Variants in USP39 observed in about 807,000 individuals in gnomAD.
USP39 encodes the protein ubiquitin specific peptidase 39.
A neutral mutation model predicts 66.4 loss-of-function variants in USP39; 38 were observed. That is an observed-to-expected ratio of 0.57 (90% CI 0.44 to 0.75). The LOEUF (loss-of-function observed/expected upper bound fraction) is 0.75, where lower values mean the gene tolerates loss of function less well. Ranked by LOEUF, USP39 falls within the 30% of genes least tolerant of loss-of-function variation. The pLI, the probability that USP39 is intolerant of heterozygous loss-of-function variation, is 0.00. For synonymous variants in USP39, 303 were observed against 274.6 expected (o/e 1.10, Z -1.02); for missense variants, 608 against 714.4 (o/e 0.85, Z 1.70).
chr2:85,607,415 A>C (rs1673256785), upstream of USP39: 1 of 152,166 alleles, frequency 6.6e-6, no homozygotes, highest in Non-Finnish European at 1.5e-5. Context: ...CTCCTTTCAA[A>C]GGAGAACTGA....
chr2:85,643,873 GA>G lies in USP39; in HGVS notation c.1428-1073del, dbSNP rs1676439969. Among the ~76,000 whole-genome samples the G allele has an allele frequency of 2.0e-5, 3 of 151,738 alleles. No homozygotes were observed. In the South Asian group the frequency reaches 6.2e-4, roughly 32 times the overall value. On this transcript the variant is annotated intron_variant, in intron 10 of 12. Coordinates refer to ENST00000323701, the MANE Select transcript of USP39 (RefSeq NM_006590.4). Reference sequence around the variant, plus strand: ...TCACGATGTTACCCAGGCTGGTTTCGAACTCCTGAGCTCAGGCAGTCTGCCC... The same window carrying G: ...TCACGATGTTACCCAGGCTGGTTTCGACTCCTGAGCTCAGGCAGTCTGCCC...
At chr2:85,607,521 C>T (rs999718195), upstream of USP39, 5 of 152,240 alleles carry the variant, frequency 3.3e-5, no homozygotes, top group Admixed American at 2.6e-4. Flanking sequence ...AGGCCCTTCT[C>T]ACTTATCCAC....
In USP39 at chr2:85,639,314, G is replaced by A. The variant is rs759494754; in HGVS notation, c.1207G>A (p.Asp403Asn). The A allele has an allele frequency of 1.2e-6, 2 of 1,613,942 alleles. No homozygotes were observed. Among genetic ancestry groups the A allele is most frequent in the Non-Finnish European group, 1.7e-6 (2 of 1,179,998 alleles). The change falls in exon 9 of 13, where the codon GAC (aspartate) becomes AAC (asparagine). Residue 403 changes from aspartate (D) to asparagine (N), a missense_variant. Asp to Asn is a conservative substitution (Grantham distance 23, BLOSUM62 1). Coordinates refer to ENST00000323701, the MANE Select transcript of USP39 (RefSeq NM_006590.4). ...LDLPTAPLYK[D>N]EKEQLIIPQV... is the part of the protein sequence containing the mutation. ...CCTTCCTACTGCCCCCCTCTACAAG[G>A]ACGAGAAGGAGCAGCTCATCATTCC...
intron 2 of USP39, among the ~76,000 whole-genome samples, chr2:85,621,027 A>G (rs1674417633): frequency 6.6e-6 from 1 of 152,010 alleles, no homozygotes; most frequent in Admixed American, 6.6e-5. Context: ...AGAGGATCCC[A>G]CTCTGTATCC....
At chr2:85,638,718 G>A (rs967972096) in intron 8 of USP39, among the ~76,000 whole-genome samples, 1 of 151,808 alleles carries the variant, frequency 6.6e-6, no homozygotes, top group Admixed American at 6.6e-5. Context: ...TGTATTTTTA[G>A]TAGAGACGGG....
In USP39 at chr2:85,630,793, C is replaced by A. The variant is rs1444525840; in HGVS notation, c.796C>A (p.Pro266Thr). ...EDNYKNIKRP[P>T]GDIMFLLVQR... ...CAATTATAAGAACATCAAACGTCCT[C>A]CAGGGGATATCATGTTCTTGTTGGT... Residue 266 changes from proline (P) to threonine (T), a missense_variant, in exon 6 of 13, where the codon CCA (proline) becomes ACA (threonine). Pro to Thr is a conservative substitution (Grantham distance 38). Coordinates refer to ENST00000323701, the MANE Select transcript of USP39 (RefSeq NM_006590.4). The A allele has an allele frequency of 6.2e-7, 1 of 1,614,178 alleles. No homozygotes were observed. Among genetic ancestry groups the A allele is most frequent in the South Asian group, 1.1e-5 (1 of 91,080 alleles).
upstream of USP39, among the ~76,000 whole-genome samples, chr2:85,612,696 T>C (rs1673642749): frequency 6.6e-6 from 1 of 152,120 alleles, no homozygotes; most frequent in African/African-American, 2.4e-5. Flanking sequence ...AGTCTCACTC[T>C]GTCGCTCAGG....
At chr2:85,622,271 A>G (rs1674521351) in intron 3 of USP39, among the ~76,000 whole-genome samples, 1 of 151,052 alleles carries the variant, frequency 6.6e-6, no homozygotes, top group Admixed American at 6.6e-5. Flanking sequence ...ACAGGCATGC[A>G]CCATCACACC....
intron 10 of USP39, among the ~76,000 whole-genome samples, chr2:85,642,961 G>A (rs1400518195): frequency 6.6e-6 from 1 of 152,094 alleles, no homozygotes; most frequent in East Asian, 1.9e-4. Context: ...TTTAGGCTGG[G>A]CGCAGTGGCT....
chr2:85,612,084 G>A, upstream of USP39: 1 of 1,037,680 alleles, frequency 9.6e-7, no homozygotes, highest in Non-Finnish European at 1.3e-6. Flanking sequence ...TTCCGGCCCC[G>A]CATCCTGACT....
chr2:85,612,102 T>C, upstream of USP39: 1 of 977,732 alleles, frequency 1.0e-6, no homozygotes, highest in Non-Finnish European at 1.5e-6. Flanking sequence ...ACTTCCGGTC[T>C]GGGAGGCCCC....
At chr2:85,611,642 G>A (rs773111916), upstream of USP39, 1 of 1,567,234 alleles carries the variant, frequency 6.4e-7, no homozygotes, top group East Asian at 2.3e-5. Flanking sequence ...GCGCGGGCTG[G>A]AGGCAGGCGG....
upstream of USP39, chr2:85,616,146 C>A: frequency 7.1e-7 from 1 of 1,402,514 alleles, no homozygotes; most frequent in Non-Finnish European, 9.3e-7. Flanking sequence ...TTGTGCCGCG[C>A]GCTCGAGCGT....
intron 10 of USP39, among the ~76,000 whole-genome samples, chr2:85,644,401 T>G (rs1294273080): frequency 1.3e-5 from 2 of 152,050 alleles, no homozygotes; most frequent in Admixed American, 6.5e-5. Flanking sequence ...ACTGTCTATA[T>G]ATTTTCCTTT....
intron 10 of USP39, among the ~76,000 whole-genome samples, chr2:85,642,776 T>C (rs1030537323): frequency 6.6e-6 from 1 of 152,234 alleles, no homozygotes; most frequent in Non-Finnish European, 1.5e-5. Flanking sequence ...CTATGTTTTA[T>C]TCATAACACA....
At chr2:85,648,105 T>G in intron 12 of USP39, 89 bp downstream of exon 12, 1 of 1,432,594 alleles carries the variant, frequency 7.0e-7, no homozygotes, top group Non-Finnish European at 9.7e-7. Context: ...AGGGATAGAG[T>G]TAGGACCTTG....
At chr2:85,634,310 A>C (rs1373889075) in intron 6 of USP39, among the ~76,000 whole-genome samples, 1 of 151,560 alleles carries the variant, frequency 6.6e-6, no homozygotes, top group African/African-American at 2.4e-5. Flanking sequence ...GCGCTGGCTC[A>C]TGCCTGTAAT....
At chr2:85,607,488 G>C (rs1461968461), upstream of USP39, 1 of 152,208 alleles carries the variant, frequency 6.6e-6, no homozygotes, top group Non-Finnish European at 1.5e-5. Context: ...GGAGCATTCT[G>C]GTCCCTGGCC....
intron 6 of USP39, among the ~76,000 whole-genome samples, 197 bp from the exon 7 acceptor site, chr2:85,635,856 A>G (rs563101609): frequency 6.6e-6 from 1 of 152,250 alleles, no homozygotes; most frequent in East Asian, 1.9e-4. Flanking sequence ...GGAGAGAGTC[A>G]AGATCGGAGG....
Sources: allele counts gnomAD v4.1 joint callset (sites outside exome capture counted in the v4.1 genomes callset), GRCh38; gene constraint gnomAD v4.1.1; transcripts MANE v1.5; gene names NCBI Gene and HGNC (gene_info 2026-07-23, HGNC 2026-07-21).